TTC21B: variants seen among roughly 807,000 people sequenced by gnomAD.
The protein encoded by TTC21B is tetratricopeptide repeat protein 21B.
TTC21B carries 127 observed loss-of-function variants against 175.1 expected under a neutral mutation model. The ratio of observed to expected loss-of-function variants is 0.73; its 90% confidence interval spans 0.63 to 0.84. The LOEUF (loss-of-function observed/expected upper bound fraction) is 0.84. TTC21B is among the 40% of genes least tolerant of loss of function. The probability of loss-of-function intolerance (pLI) is 0.00; values close to 1 mark genes in which losing one functional copy is unlikely to be tolerated. For synonymous variants in TTC21B, 524 were observed against 524.5 expected, an observed-to-expected ratio of 1.00 and a Z score of 0.01; for missense variants, 1,561 against 1,558.3, an observed-to-expected ratio of 1.00 and a Z score of -0.03.
chr2:165,910,807 G>T (rs1685906215), intron 18 of TTC21B, among the ~76,000 whole-genome samples: 1 of 120,002 alleles, frequency 8.3e-6, no homozygotes, highest in African/African-American at 2.7e-5. Context: ...ACACGTATGT[G>T]GAAAAAATTG....
chr2:165,907,637 T>C (rs1685782988), intron 19 of TTC21B, 41 bp downstream of exon 19: 2 of 1,347,858 alleles, frequency 1.5e-6, no homozygotes, highest in Non-Finnish European at 1.1e-6. Context: ...TCTGCATCCA[T>C]CTCCTACCTC....
chr2:165,940,949 A>G (rs1574137245), intron 6 of TTC21B, 78 bp downstream of exon 6: 1 of 1,545,104 alleles, frequency 6.5e-7, no homozygotes, highest in Admixed American at 1.7e-5. Context: ...ACCCTTATGA[A>G]AAAAATTCAC....
Position 165,888,449 on chromosome 2 carries a change from CAG to C in TTC21B, c.3287_3288del (p.Ser1096CysfsTer13). The C allele has an allele frequency of 1.2e-6, 2 of 1,613,708 alleles. No individual in the cohort carries two copies. Among genetic ancestry groups the C allele is most frequent in the Non-Finnish European group, 1.7e-6 (2 of 1,179,804 alleles). ...TCTGCTGTTCTTACTGCCAGTTGCA[CAG>C]ATTCTTGCTTCTCAGTTGAATTACT... ...DLGNSTEKQE[S>X]VQLAVRTAEK... On this transcript the variant is annotated frameshift_variant, in exon 25 of 29. Coordinates refer to ENST00000243344, the MANE Select transcript of TTC21B (RefSeq NM_024753.5). LOFTEE classifies it high-confidence loss of function.
intron 28 of TTC21B, among the ~76,000 whole-genome samples, chr2:165,875,185 T>G (rs1353869817): frequency 1.3e-5 from 2 of 152,202 alleles, no homozygotes; most frequent in Non-Finnish European, 2.9e-5. Flanking sequence ...GTGACTTTTA[T>G]ACAGCAGCAC....
rs997732617 is a variant in TTC21B, at chr2:165,930,161, A to G, written c.1087+11T>C. The G allele has an allele frequency of 3.1e-6, 5 of 1,610,268 alleles. No homozygotes were observed. Among genetic ancestry groups the G allele is most frequent in the Non-Finnish European group, 4.2e-6 (5 of 1,176,944 alleles). On this transcript the variant is annotated intron_variant, in intron 9 of 28. Transcript: ENST00000243344. Reference sequence around the variant, plus strand: ...CTATATTATAAATATTTATGAAAACAGTTGTCATACCAACTAGGGCAGACA... The same window carrying G: ...CTATATTATAAATATTTATGAAAACGGTTGTCATACCAACTAGGGCAGACA...
chr2:165,937,195 C>T (rs1687181268), intron 6 of TTC21B, among the ~76,000 whole-genome samples: 1 of 151,892 alleles, frequency 6.6e-6, no homozygotes, highest in South Asian at 2.1e-4. Flanking sequence ...GAAAAGGCTA[C>T]ATATTGTATT....
intron 19 of TTC21B, among the ~76,000 whole-genome samples, chr2:165,906,955 CAAA>C (rs1160627145): frequency 8.3e-5 from 5 of 60,268 alleles, no homozygotes; most frequent in Non-Finnish European, 1.5e-4. Context: ...AACTCCGTCT[CAAA>C]AAAAAAAAAA....
chr2:165,901,423 C>T (rs554708730), intron 20 of TTC21B, among the ~76,000 whole-genome samples: 2 of 152,016 alleles, frequency 1.3e-5, no homozygotes, highest in South Asian at 2.1e-4. Flanking sequence ...CAGGTTCAAG[C>T]GATTCTCCTG....
intron 3 of TTC21B, chr2:165,947,902 C>T (rs1381164344): frequency 1.3e-5 from 2 of 152,196 alleles, no homozygotes; most frequent in African/African-American, 4.8e-5. Flanking sequence ...CTGCAAATCA[C>T]AGTGTCCAAC....
At chr2:165,946,049 G>C (rs968245266) in intron 3 of TTC21B, among the ~76,000 whole-genome samples, 1 of 152,050 alleles carries the variant, frequency 6.6e-6, no homozygotes, top group Admixed American at 6.6e-5. Context: ...ATTTTGGCTG[G>C]GCGCAGTGGC....
intron 16 of TTC21B, among the ~76,000 whole-genome samples, 163 bp from the exon 17 acceptor site, chr2:165,912,787 A>G (rs1012036581): frequency 3.9e-5 from 6 of 152,256 alleles, no homozygotes; most frequent in Non-Finnish European, 7.3e-5. Context: ...GTGATAAATG[A>G]GAAAAGCAGG....
At chr2:165,926,773 A>G (rs911667295) in intron 11 of TTC21B, among the ~76,000 whole-genome samples, 2 of 151,558 alleles carry the variant, frequency 1.3e-5, no homozygotes, top group Non-Finnish European at 2.9e-5. Flanking sequence ...AAAATGTGAA[A>G]AGACTAGACA....
chr2:165,915,459 A>G lies in TTC21B; in HGVS notation c.1900-20T>C, dbSNP rs1216094746. ...CTCATGCTGTAAAGATGAAATTAAA[A>G]TAATCATTCTTCCAAAATAGTGAAC... is the stretch of plus-strand genomic sequence containing the variant. On this transcript the variant is annotated intron_variant, in intron 14 of 28. Coordinates refer to ENST00000243344, the MANE Select transcript of TTC21B (RefSeq NM_024753.5). 3 of 1,574,008 alleles carry G rather than the reference A, an allele frequency of 1.9e-6. No individual in the cohort carries two copies. The highest frequency in any genetic ancestry group is 2.6e-6 in the Non-Finnish European group (3 of 1,143,408).
chr2:165,949,533 C>G (rs369800098), intron 2 of TTC21B, 29 bp from the exon 3 acceptor site: 2 of 1,613,612 alleles, frequency 1.2e-6, no homozygotes, highest in African/African-American at 1.3e-5. Context: ...ATATGAAAAA[C>G]TGTTCTTAGT....
At chr2:165,921,376 T>C (rs1014156546) in intron 12 of TTC21B, among the ~76,000 whole-genome samples, 2 of 152,194 alleles carry the variant, frequency 1.3e-5, no homozygotes, top group Non-Finnish European at 2.9e-5. Flanking sequence ...TGATGTCTCC[T>C]GACTCCATGG....
At chr2:165,890,353 T>C in intron 24 of TTC21B, 126 bp downstream of exon 24, 1 of 850,472 alleles carries the variant, frequency 1.2e-6, no homozygotes, top group Non-Finnish European at 1.9e-6. Flanking sequence ...GAAATGCCTA[T>C]TTATTTAATT....
At chr2:165,878,113 A>G (rs1019803071) in intron 27 of TTC21B, among the ~76,000 whole-genome samples, 7 of 152,228 alleles carry the variant, frequency 4.6e-5, no homozygotes, top group African/African-American at 1.7e-4. Context: ...TAAAAATCAT[A>G]TAAAATACTT....
intron 6 of TTC21B, among the ~76,000 whole-genome samples, chr2:165,939,976 G>C (rs58415855): frequency 6.6e-6 from 1 of 152,094 alleles, no homozygotes; most frequent in African/African-American, 2.4e-5. Flanking sequence ...AATACTAATA[G>C]TACCTTCCTC....
At chr2:165,927,763 A>C (rs1305745814) in intron 11 of TTC21B, among the ~76,000 whole-genome samples, 1 of 152,114 alleles carries the variant, frequency 6.6e-6, no homozygotes, top group African/African-American at 2.4e-5. Flanking sequence ...TGAGGGTTTA[A>C]GTTTAAAAAA....
Sources: gnomAD v4.1 joint callset for allele counts (sites outside exome capture counted in the v4.1 genomes callset) on GRCh38, gnomAD v4.1.1 for gene constraint, MANE v1.5 for transcripts, NCBI Gene and HGNC (gene_info 2026-07-23, HGNC 2026-07-21) for gene names.